Variants in TOX observed in about 807,000 individuals in gnomAD.
The protein encoded by TOX is thymocyte selection-associated high mobility group box protein TOX.
A neutral mutation model predicts 53.7 loss-of-function variants in TOX; 11 were observed. The ratio of observed to expected loss-of-function variants is 0.20; its 90% confidence interval spans 0.13 to 0.34. The LOEUF (loss-of-function observed/expected upper bound fraction) is 0.34. Ranked by LOEUF, TOX falls within the 10% of genes least tolerant of loss-of-function variation. The probability of loss-of-function intolerance (pLI) is 1.00; values close to 1 mark genes in which losing one functional copy is unlikely to be tolerated. For missense variants in TOX, 570 were observed against 664.6 expected (o/e 0.86, Z 1.56); for synonymous variants, 225 against 245.3 (o/e 0.92, Z 0.77).
chr8:58,902,992 C>T (rs1183747398), intron 3 of TOX, among the ~76,000 whole-genome samples: 1 of 152,110 alleles, frequency 6.6e-6, no homozygotes, highest in Non-Finnish European at 1.5e-5. Context: ...GGCTGGCAGC[C>T]CAGCCTGAAT....
intron 1 of TOX, among the ~76,000 whole-genome samples, chr8:59,086,886 T>C (rs1804521453): frequency 6.6e-6 from 1 of 152,136 alleles, no homozygotes; most frequent in Non-Finnish European, 1.5e-5. Context: ...CCATTGAAAA[T>C]ATTAATATGA....
At chr8:58,971,069 T>C (rs917929400) in intron 1 of TOX, among the ~76,000 whole-genome samples, 5 of 152,216 alleles carry the variant, frequency 3.3e-5, no homozygotes, top group African/African-American at 1.2e-4. Context: ...AAAAGCTTCA[T>C]GGTACCAAGT....
rs532862586 is a variant in TOX at position 58,808,383 on chromosome 8, C to A, written c.1393-114G>T. Reference sequence around the variant, plus strand: ...ACTAGGCCTCTTGCTTCTGTCTCTGCAAGGGCAAGCCTGTCGGAAGAGCCC... The same window carrying A: ...ACTAGGCCTCTTGCTTCTGTCTCTGAAAGGGCAAGCCTGTCGGAAGAGCCC... On this transcript the variant is annotated intron_variant, in intron 7 of 8. Transcript: ENST00000361421. 13 of 1,348,932 alleles carry A rather than the reference C, an allele frequency of 9.6e-6. No individual in the cohort carries two copies. In the Admixed American group the frequency reaches 1.4e-4, roughly 15 times the overall value. 83.6% of individuals were successfully genotyped at this position (1,348,932 alleles called of 1,614,324 possible).
chr8:58,876,442 C>T (rs1002811809), intron 3 of TOX, among the ~76,000 whole-genome samples: 25 of 150,198 alleles, frequency 1.7e-4, no homozygotes, highest in South Asian at 4.2e-4. Context: ...TTTGAATCAA[C>T]ATATCCCTCT....
rs115518188 is a variant in TOX at position 58,953,859 on chromosome 8, C to T, written c.168+6084G>A. 4.8e-3 allele frequency among the ~76,000 whole-genome samples: 722 copies of T among 151,456 alleles called. 2 individuals carry two copies. The highest frequency in any genetic ancestry group is 0.017 in the African/African-American group (698 of 40,844). On this transcript the variant is annotated intron_variant, in intron 2 of 8. Coordinates refer to ENST00000361421, the MANE Select transcript of TOX (RefSeq NM_014729.3). ...GACGTTATGGCCCACAGTAAAGATACCTTTTTTTTTTGAAAGTATTCTAAA... is the reference window on the plus strand; with the variant it reads ...GACGTTATGGCCCACAGTAAAGATATCTTTTTTTTTTGAAAGTATTCTAAA...
At chr8:59,033,821 T>C (rs1814401998) in intron 1 of TOX, among the ~76,000 whole-genome samples, 2 of 152,188 alleles carry the variant, frequency 1.3e-5, no homozygotes, top group African/African-American at 4.8e-5. Context: ...AGTGATCTAT[T>C]CTAGAGAATG....
chr8:59,095,415 T>A (rs1449386894), intron 1 of TOX, among the ~76,000 whole-genome samples: 2 of 152,158 alleles, frequency 1.3e-5, no homozygotes, highest in Non-Finnish European at 2.9e-5. Flanking sequence ...TTAAAAATAA[T>A]CTTTTTTTTG....
rs1334479985 is a variant in TOX, at chr8:59,118,800, C to T, written c.102+86G>A. 1.0e-5 allele frequency: 11 copies of T among 1,077,342 alleles called. No individual in the cohort carries two copies. In the East Asian group the frequency reaches 2.8e-4, roughly 28 times the overall value. 66.7% of individuals were successfully genotyped at this position (1,077,342 alleles called of 1,614,324 possible). On this transcript the variant is annotated intron_variant, in intron 1 of 8. Transcript: ENST00000361421. This position sits in a 1 kb window ranked among gnomAD's most constrained non-coding sequence, Gnocchi z 4.1. ...GCGCCCGGGACCGGCCTCCGCCAAG[C>T]CGGCCCCGCCGCGGCCCGGCCACCG...
intron 3 of TOX, among the ~76,000 whole-genome samples, chr8:58,898,435 A>G (rs1811685447): frequency 1.7e-5 from 2 of 119,774 alleles, no homozygotes; most frequent in Non-Finnish European, 3.6e-5. Context: ...TAATGCATTA[A>G]AGATCAAAGC....
At chr8:58,841,195 A>C (rs1452391034) in intron 4 of TOX, among the ~76,000 whole-genome samples, 1 of 152,186 alleles carries the variant, frequency 6.6e-6, no homozygotes, top group East Asian at 1.9e-4. Context: ...AGATATTTCA[A>C]ACTTAAGTCA....
At chr8:59,089,532 G>C (rs984829393) in intron 1 of TOX, among the ~76,000 whole-genome samples, 1 of 152,168 alleles carries the variant, frequency 6.6e-6, no homozygotes, top group African/African-American at 2.4e-5. Context: ...TCACTCCTTG[G>C]TAGCATGGAA....
intron 1 of TOX, among the ~76,000 whole-genome samples, chr8:58,978,294 A>G (rs1813141496): frequency 6.6e-6 from 1 of 152,182 alleles, no homozygotes; most frequent in Admixed American, 6.5e-5. Context: ...TTCAGTCTGC[A>G]TGGAATTAGA....
In TOX at chr8:58,992,623, C is replaced by T. The variant is rs527508881; in HGVS notation, c.103-32615G>A. 1.3e-4 allele frequency among the ~76,000 whole-genome samples: 20 copies of T among 152,094 alleles called. No homozygotes were observed. In the South Asian group the frequency reaches 3.7e-3, roughly 28 times the overall value. ...CTATAGAGAACAGCAGTAGTCTCCT[C>T]TCACGAAAAAAAATACACCATATCT... On this transcript the variant is annotated intron_variant, in intron 1 of 8. Coordinates refer to ENST00000361421, the MANE Select transcript of TOX (RefSeq NM_014729.3).
At chr8:59,018,315 G>A (rs1343350138) in intron 1 of TOX, among the ~76,000 whole-genome samples, 1 of 152,154 alleles carries the variant, frequency 6.6e-6, no homozygotes, top group Admixed American at 6.5e-5. Flanking sequence ...GTGTCAGTGG[G>A]AACAGGGAAC....
At position 59,040,145 on chromosome 8, in the gene TOX, C is replaced by T. The variant is rs1446765208; in HGVS notation, c.102+78741G>A. Among the ~76,000 whole-genome samples, 3 of 151,862 alleles carry T rather than the reference C, an allele frequency of 2.0e-5. No individual in the cohort carries two copies. The East Asian group carries it at 5.8e-4, about 29-fold the overall frequency. On this transcript the variant is annotated intron_variant, in intron 1 of 8. Transcript: ENST00000361421. ...GAGATCGAGACCATCCCGGGTAAAACGGTGAAACCCCGTCTCTACTAAAAA... is the reference window on the plus strand; with the variant it reads ...GAGATCGAGACCATCCCGGGTAAAATGGTGAAACCCCGTCTCTACTAAAAA...
At chr8:58,940,828 G>A (rs1812425756) in intron 2 of TOX, among the ~76,000 whole-genome samples, 1 of 152,156 alleles carries the variant, frequency 6.6e-6, no homozygotes, top group South Asian at 2.1e-4. Context: ...TTGTCTAACA[G>A]AAAGAAAATC....
chr8:59,075,320 G>A (rs1011998052), intron 1 of TOX, among the ~76,000 whole-genome samples: 6 of 152,182 alleles, frequency 3.9e-5, no homozygotes, highest in Admixed American at 2.6e-4. Context: ...AGCAGATGCT[G>A]AAGGGACTCT....
intron 2 of TOX, among the ~76,000 whole-genome samples, chr8:58,959,021 T>C (rs539933152): frequency 1.3e-5 from 2 of 152,326 alleles, no homozygotes; most frequent in South Asian, 2.1e-4. Flanking sequence ...TATGTGTGGA[T>C]ATGTAGGCAT....
rs114536501 is a variant in TOX at position 58,908,693 on chromosome 8, A to G, written c.411+30609T>C. Among the ~76,000 whole-genome samples, 343 of 152,324 alleles carry G rather than the reference A, an allele frequency of 2.3e-3. 2 individuals carry two copies. The highest frequency in any genetic ancestry group is 7.9e-3 in the African/African-American group (328 of 41,570). The stretch of plus-strand genomic sequence containing the variant: ...TAAAGGCAAGGACCATTGAGTATTT[A>G]TTCATTGATTATCACAAGAGCCAAT... On this transcript the variant is annotated intron_variant, in intron 3 of 8. Transcript: ENST00000361421.
Sources: gnomAD v4.1 joint callset for allele counts (sites outside exome capture counted in the v4.1 genomes callset) on GRCh38, gnomAD v4.1.1 for gene constraint, Gnocchi (gnomAD v3.1) non-coding constraint, MANE v1.5 for transcripts, NCBI Gene and HGNC (gene_info 2026-07-23, HGNC 2026-07-21) for gene names.